EFCAB5: variants seen among roughly 807,000 people sequenced by gnomAD.
EFCAB5 encodes the protein EF-hand calcium-binding domain-containing protein 5.
In EFCAB5, 131 loss-of-function variants were observed where a neutral mutation model predicts 167.9. The ratio of observed to expected loss-of-function variants is 0.78; its 90% CI spans 0.68 to 0.90. EFCAB5 has a LOEUF of 0.90. Ranked by LOEUF, EFCAB5 falls within the 40% of genes least tolerant of loss-of-function variation. The pLI, the probability that EFCAB5 is intolerant of heterozygous loss-of-function variation, is 0.00. For synonymous variants in EFCAB5, 574 were observed against 602.8 expected (o/e 0.95, Z 0.70); for missense variants, 1,663 against 1,745.2 (o/e 0.95, Z 0.84).
At chr17:30,019,925 G>A (rs904413283) in intron 7 of EFCAB5, among the ~76,000 whole-genome samples, 1 of 152,008 alleles carries the variant, frequency 6.6e-6, no homozygotes. Flanking sequence ...TGTACAACGG[G>A]ATGTTTATAT....
chr17:29,987,831 G>A (rs184502164), intron 4 of EFCAB5, among the ~76,000 whole-genome samples: 5 of 152,288 alleles, frequency 3.3e-5, no homozygotes, highest in Admixed American at 3.3e-4. Flanking sequence ...ACTGCAAAAG[G>A]TGATGTTTAA....
At position 30,059,654 on chromosome 17, in the gene EFCAB5, T is replaced by C; in HGVS notation, c.2690T>C (p.Leu897Pro). Residue 897 changes from leucine to proline, a missense_variant, in exon 14 of 23, where the codon CTC becomes CCC. Physicochemically the swap from Leu to Pro is moderately conservative, Grantham distance 98. Transcript: ENST00000394835. ...CTGGATCTGAAGGAAGTTGATGAAC[T>C]CTTGTACACATACAAGGAGGGAATG... The part of the protein sequence containing the change: ...GFLDLKEVDE[L>P]LYTYKEGMEK... 6.2e-7 allele frequency: 1 copy of C among 1,610,028 alleles called. No individual in the cohort carries two copies. The highest frequency in any genetic ancestry group is 8.5e-7 in the Non-Finnish European group (1 of 1,177,306).
At chr17:30,039,547 T>G (rs994325038) in intron 8 of EFCAB5, among the ~76,000 whole-genome samples, 2 of 152,176 alleles carry the variant, frequency 1.3e-5, no homozygotes, top group Admixed American at 1.3e-4. Flanking sequence ...CTGCCACCCC[T>G]GCATCTTGCT....
intron 22 of EFCAB5, among the ~76,000 whole-genome samples, chr17:30,107,106 A>T (rs2071459171): frequency 6.6e-6 from 1 of 152,338 alleles, no homozygotes; most frequent in South Asian, 2.1e-4. Context: ...TAGTCTTTCC[A>T]TTGGACCATT....
At chr17:30,040,093 C>A (rs2069729042) in intron 8 of EFCAB5, among the ~76,000 whole-genome samples, 1 of 152,174 alleles carries the variant, frequency 6.6e-6, no homozygotes, top group Non-Finnish European at 1.5e-5. Flanking sequence ...CCCAGGTTGT[C>A]CCCTTTCCAC....
intron 4 of EFCAB5, among the ~76,000 whole-genome samples, chr17:29,969,969 T>C (rs2067915635): frequency 6.6e-6 from 1 of 152,188 alleles, no homozygotes; most frequent in African/African-American, 2.4e-5. Flanking sequence ...TTTATTTCTA[T>C]ATAGTCAAAT....
intron 7 of EFCAB5, among the ~76,000 whole-genome samples, chr17:30,012,313 CCTAA>C (rs1409279066): frequency 4.6e-5 from 7 of 152,306 alleles, no homozygotes; most frequent in African/African-American, 7.2e-5. Context: ...TGTCTGGAGG[CCTAA>C]CTGTCTCCCT....
At chr17:30,039,602 C>T (rs1396732824) in intron 8 of EFCAB5, among the ~76,000 whole-genome samples, 7 of 152,202 alleles carry the variant, frequency 4.6e-5, no homozygotes, top group Non-Finnish European at 8.8e-5. Flanking sequence ...TTTATATGCT[C>T]AGTGGGTAGA....
chr17:29,963,417 GA>G (rs1251575027), intron 3 of EFCAB5, among the ~76,000 whole-genome samples: 1 of 152,074 alleles, frequency 6.6e-6, no homozygotes, highest in African/African-American at 2.4e-5. Context: ...ATTTCATGTT[GA>G]AAAGGCTTTT....
intron 4 of EFCAB5, among the ~76,000 whole-genome samples, chr17:29,979,718 T>C (rs1459169231): frequency 2.0e-5 from 3 of 152,224 alleles, no homozygotes; most frequent in Non-Finnish European, 4.4e-5. Flanking sequence ...TGTAGGCTCA[T>C]GTCAGCCCCC....
chr17:29,991,625 C>A (rs2068421961), intron 4 of EFCAB5, among the ~76,000 whole-genome samples: 1 of 152,202 alleles, frequency 6.6e-6, no homozygotes, highest in South Asian at 2.1e-4. Flanking sequence ...TCCTTGCCCT[C>A]AGTCCAGTAA....
chr17:30,108,004 G>C lies in EFCAB5; in HGVS notation c.4492G>C (p.Glu1498Gln). The change falls in exon 23 of 23, where the codon GAA (glutamate) becomes CAA (glutamine). Residue 1498 changes from glutamate (E) to glutamine (Q), a missense_variant. Transcript: ENST00000394835. The part of the protein sequence containing the change: ...DNYMYAKMPG[E>Q]GLQEK ...TTATATGTATGCAAAAATGCCAGGG[G>C]AAGGTTTGCAAGAGAAGTGATAATG... The C allele has an allele frequency of 1.2e-6, 2 of 1,607,424 alleles. No individual in the cohort carries two copies. The highest frequency in any genetic ancestry group is 1.7e-6 in the Non-Finnish European group (2 of 1,178,244).
intron 22 of EFCAB5, among the ~76,000 whole-genome samples, chr17:30,099,672 A>G (rs1199238012): frequency 6.6e-6 from 1 of 152,176 alleles, no homozygotes; most frequent in Non-Finnish European, 1.5e-5. Flanking sequence ...CCTCCATGGC[A>G]TCAAGATTGC....
chr17:30,037,742 T>G lies in EFCAB5; in HGVS notation c.1200+3357T>G, dbSNP rs187375224. On this transcript the variant is annotated intron_variant, in intron 8 of 22. Transcript: ENST00000394835. ...GCCAGGCAAGCCATTCCTGAAATTT[T>G]TATTCCATAGAAATAAAAGTATTAG... Among the ~76,000 whole-genome samples the G allele has an allele frequency of 4.2e-3, 641 of 152,300 alleles. 9 individuals carry two copies. Among genetic ancestry groups the G allele is most frequent in the African/African-American group, 0.015 (605 of 41,572 alleles).
chr17:29,994,046 C>T (rs967071795), intron 5 of EFCAB5, among the ~76,000 whole-genome samples: 1 of 148,768 alleles, frequency 6.7e-6, no homozygotes, highest in South Asian at 2.1e-4. Context: ...CGAAGCTGCA[C>T]TGAGCCATGA....
At position 29,941,830 on chromosome 17, in the gene EFCAB5, C is replaced by T. The variant is rs1191535619; in HGVS notation, c.34C>T (p.Pro12Ser). The T allele has an allele frequency of 1.2e-6, 2 of 1,604,660 alleles. No homozygotes were observed. Among genetic ancestry groups the T allele is most frequent in the East Asian group, 2.2e-5 (1 of 44,706 alleles). ...NESASQEELRPAQENRKEDKE... is the reference protein window; with the variant it reads ...NESASQEELRSAQENRKEDKE... ...GTCAGCATCTCAAGAGGAACTCAGA[C>T]CTGCTCAGGTTCTTGTCCTACATAG... The change falls in exon 1 of 23, where the codon CCT becomes TCT. Residue 12 changes from proline (P) to serine (S), a missense_variant. Pro to Ser is a moderately conservative substitution (Grantham distance 74). Transcript: ENST00000394835.
chr17:30,080,684 G>A lies in EFCAB5; in HGVS notation c.3198-69G>A, dbSNP rs929314668. On this transcript the variant is annotated intron_variant, in intron 16 of 22. Transcript: ENST00000394835. ...AGATTGTGAATAGAGAATCGCTCTA[G>A]TTTCCTCCATGGTTTAATCTAAATC... 10 of 1,190,310 alleles carry A rather than the reference G, an allele frequency of 8.4e-6. No individual in the cohort carries two copies. The Admixed American group carries it at 1.8e-4, about 21-fold the overall frequency. 73.7% of individuals were successfully genotyped at this position (1,190,310 alleles called of 1,614,324 possible).
intron 14 of EFCAB5, chr17:30,069,160 A>G (rs778789647): frequency 2.6e-6 from 4 of 1,544,510 alleles, no homozygotes; most frequent in Admixed American, 1.7e-5. Context: ...TGCAAAGACA[A>G]GAGAATCCAC....
chr17:30,026,099 G>C (rs1035851806), intron 7 of EFCAB5, among the ~76,000 whole-genome samples: 2 of 151,570 alleles, frequency 1.3e-5, no homozygotes, highest in Non-Finnish European at 2.9e-5. Context: ...CAGCACACCA[G>C]CATGGCACAT....
Sources: allele counts gnomAD v4.1 joint callset (sites outside exome capture counted in the v4.1 genomes callset), GRCh38; gene constraint gnomAD v4.1.1; transcripts MANE v1.5; gene names NCBI Gene and HGNC (gene_info 2026-07-23, HGNC 2026-07-21).